Variants in NKAIN3 observed in about 807,000 individuals in gnomAD.
The protein encoded by NKAIN3 is sodium/potassium-transporting ATPase subunit beta-1-interacting protein 3.
A neutral mutation model predicts 30.2 loss-of-function variants in NKAIN3; 25 were observed. The ratio of observed to expected loss-of-function variants is 0.83; its 90% CI spans 0.60 to 1.16. The LOEUF (loss-of-function observed/expected upper bound fraction) is 1.16, where lower values mean the gene tolerates loss of function less well. Ranked by LOEUF, NKAIN3 falls within the 50% of genes most tolerant of loss-of-function variation. The pLI is 0.00. For synonymous variants in NKAIN3, 91 were observed against 89.6 expected (o/e 1.02, Z -0.09); for missense variants, 225 against 254.1 (o/e 0.89, Z 0.78).
chr8:62,679,133 A>G (rs1451835817), intron 3 of NKAIN3, among the ~76,000 whole-genome samples: 2 of 152,190 alleles, frequency 1.3e-5, no homozygotes, highest in Non-Finnish European at 2.9e-5. Flanking sequence ...CATATATTCC[A>G]ATATCCAGAC....
intron 1 of NKAIN3, among the ~76,000 whole-genome samples, chr8:62,411,483 A>G (rs969756740): frequency 1.3e-5 from 2 of 152,172 alleles, no homozygotes; most frequent in African/African-American, 4.8e-5. Context: ...ATTCCTCTTG[A>G]GAACTTGGAA....
At chr8:62,399,278 G>A (rs1817861432) in intron 1 of NKAIN3, among the ~76,000 whole-genome samples, 1 of 152,092 alleles carries the variant, frequency 6.6e-6, no homozygotes, top group South Asian at 2.1e-4. Context: ...GGCCGAGGCG[G>A]GTAGATCGCT....
At chr8:62,632,746 AC>A (rs144627559) in intron 3 of NKAIN3, among the ~76,000 whole-genome samples, 1 of 151,712 alleles carries the variant, frequency 6.6e-6, no homozygotes, top group Non-Finnish European at 1.5e-5. Context: ...CAGGTGATCC[AC>A]CCCCCTCGGC....
intron 1 of NKAIN3, among the ~76,000 whole-genome samples, chr8:62,510,330 T>C (rs957321485): frequency 6.6e-6 from 1 of 152,038 alleles, no homozygotes; most frequent in Non-Finnish European, 1.5e-5. Context: ...ATCCTGGAGG[T>C]ATTTTGTCCC....
chr8:62,994,358 C>T (rs570374239), intron 5 of NKAIN3, among the ~76,000 whole-genome samples: 1 of 152,216 alleles, frequency 6.6e-6, no homozygotes, highest in Admixed American at 6.5e-5. Context: ...GAAGTAGGTG[C>T]AGTATGCCAC....
chr8:62,883,273 A>G (rs1408758113), intron 4 of NKAIN3, among the ~76,000 whole-genome samples: 3 of 151,984 alleles, frequency 2.0e-5, no homozygotes, highest in African/African-American at 7.2e-5. Flanking sequence ...TATCTTGTGC[A>G]TATTTTGTTA....
intron 3 of NKAIN3, among the ~76,000 whole-genome samples, chr8:62,743,286 T>G (rs1815965324): frequency 6.6e-6 from 1 of 152,088 alleles, no homozygotes; most frequent in South Asian, 2.1e-4. Flanking sequence ...TGTCATGTGG[T>G]AAGTTTAAAA....
At chr8:62,788,358 A>C (rs1196688189) in intron 4 of NKAIN3, among the ~76,000 whole-genome samples, 1 of 152,082 alleles carries the variant, frequency 6.6e-6, no homozygotes, top group Non-Finnish European at 1.5e-5. Context: ...GTCTGTTCAT[A>C]TCCTTCGCCC....
intron 1 of NKAIN3, among the ~76,000 whole-genome samples, chr8:62,486,580 G>T (rs1363999280): frequency 6.6e-6 from 1 of 152,256 alleles, no homozygotes; most frequent in Non-Finnish European, 1.5e-5. Flanking sequence ...CCTTGCACTT[G>T]TATCTGACGT....
chr8:62,975,186 A>G lies in NKAIN3; in HGVS notation c.*9779A>G, dbSNP rs1823915996. Among the ~76,000 whole-genome samples, 1 of 152,154 alleles carries G rather than the reference A, an allele frequency of 6.6e-6. No individual in the cohort carries two copies. The highest frequency in any genetic ancestry group is 2.4e-5 in the African/African-American group (1 of 41,428). On this transcript the variant is annotated 3_prime_UTR_variant, in exon 7 of 7. Transcript: ENST00000623646. Reference sequence around the variant, plus strand: ...TGATGCTGGCCTCAAAATATGAGTTAGGGAGGAGTCTGTCTTTTCTACTGT... The same window carrying G: ...TGATGCTGGCCTCAAAATATGAGTTGGGGAGGAGTCTGTCTTTTCTACTGT...
intron 1 of NKAIN3, among the ~76,000 whole-genome samples, chr8:62,441,275 T>G (rs1805316788): frequency 1.3e-5 from 2 of 152,126 alleles, no homozygotes; most frequent in Non-Finnish European, 2.9e-5. Flanking sequence ...ATTTTGTTTT[T>G]CGGTATGCCT....
chr8:62,580,692 G>A lies in NKAIN3; in HGVS notation c.192+1016G>A, dbSNP rs116215890. Among the ~76,000 whole-genome samples the A allele has an allele frequency of 3.9e-3, 597 of 152,106 alleles. 2 individuals carry two copies. Among genetic ancestry groups the A allele is most frequent in the African/African-American group, 0.013 (559 of 41,512 alleles). ...TTTATTTCTTTCACCATTTCACAGAGATATAGATAACTGAATAGACTGCAT... is the reference window on the plus strand; with the variant it reads ...TTTATTTCTTTCACCATTTCACAGAAATATAGATAACTGAATAGACTGCAT... On this transcript the variant is annotated intron_variant, in intron 2 of 6. Transcript: ENST00000623646.
intron 1 of NKAIN3, among the ~76,000 whole-genome samples, chr8:62,511,130 T>C (rs188110887): frequency 4.6e-5 from 7 of 152,308 alleles, no homozygotes; most frequent in Admixed American, 3.9e-4. Context: ...GCTCAGCCTC[T>C]GTGGCTTCCC....
At chr8:62,395,107 G>A (rs1041958911) in intron 1 of NKAIN3, among the ~76,000 whole-genome samples, 2 of 149,864 alleles carry the variant, frequency 1.3e-5, no homozygotes, top group African/African-American at 4.9e-5. Context: ...ATGATGGGGC[G>A]ACGGGACAGA....
intron 4 of NKAIN3, among the ~76,000 whole-genome samples, chr8:62,876,764 G>A (rs976642003): frequency 6.6e-6 from 1 of 151,994 alleles, no homozygotes; most frequent in Admixed American, 6.6e-5. Context: ...GTTGAACATT[G>A]AGAACTCATG....
chr8:62,717,352 G>A (rs1289593166), intron 3 of NKAIN3, among the ~76,000 whole-genome samples: 2 of 152,176 alleles, frequency 1.3e-5, no homozygotes, highest in Non-Finnish European at 2.9e-5. Context: ...TTTGGAAGGT[G>A]ACTTTTTTTA....
chr8:62,804,118 T>A (rs1271534376), intron 4 of NKAIN3, among the ~76,000 whole-genome samples: 1 of 152,168 alleles, frequency 6.6e-6, no homozygotes, highest in East Asian at 1.9e-4. Context: ...GTGGCAATAA[T>A]CAATAGCTTA....
chr8:62,812,240 T>C (rs1039219956), intron 4 of NKAIN3, among the ~76,000 whole-genome samples: 1 of 151,952 alleles, frequency 6.6e-6, no homozygotes, highest in African/African-American at 2.4e-5. Context: ...ACTACAACTA[T>C]ACAGTAAATC....
At chr8:62,325,547 G>A (rs1815087948) in intron 1 of NKAIN3, among the ~76,000 whole-genome samples, 1 of 152,038 alleles carries the variant, frequency 6.6e-6, no homozygotes, top group South Asian at 2.1e-4. Flanking sequence ...AGTTCTTTAA[G>A]GAATCTCCAA....
Sources: gnomAD v4.1 joint callset for allele counts (sites outside exome capture counted in the v4.1 genomes callset) on GRCh38, gnomAD v4.1.1 for gene constraint, MANE v1.5 for transcripts, NCBI Gene and HGNC (gene_info 2026-07-23, HGNC 2026-07-21) for gene names.